FOXP1: variants seen among roughly 807,000 people sequenced by gnomAD.
FOXP1 encodes the protein forkhead box protein P1.
FOXP1 carries 15 observed loss-of-function variants against 98.2 expected under a neutral mutation model. That is an observed-to-expected ratio of 0.15 (90% CI 0.10 to 0.24). FOXP1 has a LOEUF of 0.24. Ranked by LOEUF, FOXP1 falls within the 10% of genes least tolerant of loss-of-function variation. The probability of loss-of-function intolerance (pLI) is 1.00; values close to 1 mark genes in which losing one functional copy is unlikely to be tolerated. For missense variants in FOXP1, 633 were observed against 848.5 expected (o/e 0.75, Z 3.15); for synonymous variants, 371 against 314.5 (o/e 1.18, Z -1.90).
chr3:71,200,881 AG>A (rs1470520755), intron 5 of FOXP1, among the ~76,000 whole-genome samples: 2 of 152,230 alleles, frequency 1.3e-5, no homozygotes, highest in Non-Finnish European at 1.5e-5. Context: ...AATTAAAAGC[AG>A]AAAAATTCAC....
At chr3:71,140,784 A>G (rs904704847) in intron 6 of FOXP1, among the ~76,000 whole-genome samples, 4 of 152,086 alleles carry the variant, frequency 2.6e-5, no homozygotes, top group African/African-American at 9.7e-5. Flanking sequence ...TCGAAAGAGG[A>G]CTTTGAGAAA....
At chr3:71,181,430 C>A (rs1253408680) in intron 6 of FOXP1, among the ~76,000 whole-genome samples, 2 of 152,196 alleles carry the variant, frequency 1.3e-5, no homozygotes, top group African/African-American at 2.4e-5. Context: ...ATCTCTATTG[C>A]CCTGTTTTAC....
chr3:71,577,194 G>T (rs2047788941), intron 2 of FOXP1, among the ~76,000 whole-genome samples: 1 of 152,098 alleles, frequency 6.6e-6, no homozygotes, highest in Non-Finnish European at 1.5e-5. Context: ...AAGAAACAAA[G>T]AACACTGTCT....
chr3:71,327,504 T>C (rs796938973), intron 4 of FOXP1, among the ~76,000 whole-genome samples: 32 of 149,114 alleles, frequency 2.1e-4, no homozygotes, highest in African/African-American at 7.7e-4. Context: ...TCTCCTGCCT[T>C]AGCCTCCCGA....
In FOXP1 at chr3:71,258,139, T is replaced by C. The variant is rs186663264; in HGVS notation, c.-12+41681A>G. On this transcript the variant is annotated intron_variant, in intron 5 of 20. Coordinates refer to ENST00000649528, the MANE Select transcript of FOXP1 (RefSeq NM_001349338.3). ...GGCAAGAATTTGTGGCTTTCGAATC[T>C]GAAAAGAACCCACTAAAATACAGAG... Among the ~76,000 whole-genome samples, 414 of 152,270 alleles carry C rather than the reference T, an allele frequency of 2.7e-3. 3 individuals are homozygous for C. The highest frequency in any genetic ancestry group is 9.6e-3 in the African/African-American group (397 of 41,544).
chr3:71,004,925 A>G (rs1030518914), intron 12 of FOXP1, among the ~76,000 whole-genome samples: 4 of 152,098 alleles, frequency 2.6e-5, no homozygotes, highest in African/African-American at 9.7e-5. Flanking sequence ...TGAAATATTC[A>G]AATGGCCTCT....
In FOXP1 at chr3:70,966,120, T is replaced by C; in HGVS notation, c.1723-64A>G. ...TATGTAAGACAAGGAAACTACTAAT[T>C]ATGGGTGTACTCGATAATCTTCAGT... On this transcript the variant is annotated intron_variant, in intron 19 of 20. Transcript: ENST00000649528. 3.0e-6 allele frequency: 4 copies of C among 1,320,158 alleles called. No individual in the cohort carries two copies. In the South Asian group the frequency reaches 3.5e-5, roughly 12 times the overall value. 81.8% of individuals were successfully genotyped at this position (1,320,158 alleles called of 1,614,324 possible).
rs1158223230 is a variant in FOXP1 at position 70,958,497 on chromosome 3, G to A, written c.*750C>T. 7 of 382,746 alleles carry A rather than the reference G, an allele frequency of 1.8e-5. No homozygotes were observed. The highest frequency in any genetic ancestry group is 3.5e-5 in the Non-Finnish European group (7 of 199,038). The allele number at this position is 382,746 out of a possible 1,614,324, so 23.7% of individuals were successfully genotyped here. ...ATGAGTGACAGAAAGCTACAAACGAGAAATGACATTCAGCTTTGTATAATA... is the reference window on the plus strand; with the variant it reads ...ATGAGTGACAGAAAGCTACAAACGAAAAATGACATTCAGCTTTGTATAATA... On this transcript the variant is annotated 3_prime_UTR_variant, in exon 21 of 21. Transcript: ENST00000649528.
chr3:71,259,844 G>A (rs2068946473), intron 5 of FOXP1, among the ~76,000 whole-genome samples: 1 of 152,226 alleles, frequency 6.6e-6, no homozygotes, highest in Admixed American at 6.5e-5. Context: ...AGACAAGTGA[G>A]CCCAGATTAA....
chr3:70,976,981 C>A lies in FOXP1; in HGVS notation c.1490G>T (p.Arg497Leu), dbSNP rs751543308. ...TLNEIYNWFT[R>L]MFAYFRRNAA... ...GTTGCGTCGGAAGTAAGCAAACATT[C>A]GTGTGAACCAGTTATAGATCTCATT... Residue 497 changes from arginine (R) to leucine (L), a missense_variant, in exon 17 of 21, where the codon CGA becomes CTA. Physicochemically the swap from Arg to Leu is moderately radical, Grantham distance 102. Coordinates refer to ENST00000649528, the MANE Select transcript of FOXP1 (RefSeq NM_001349338.3). The A allele has an allele frequency of 1.9e-6, 3 of 1,614,160 alleles. No homozygotes were observed. The highest frequency in any genetic ancestry group is 2.5e-6 in the Non-Finnish European group (3 of 1,180,008).
chr3:71,380,751 C>T (rs1445895095), intron 3 of FOXP1, among the ~76,000 whole-genome samples: 3 of 115,024 alleles, frequency 2.6e-5, no homozygotes, highest in South Asian at 5.4e-4. Context: ...GTGTTTGCCT[C>T]TCATTACTCT....
At chr3:71,522,876 C>T (rs2043098738) in intron 2 of FOXP1, among the ~76,000 whole-genome samples, 1 of 152,176 alleles carries the variant, frequency 6.6e-6, no homozygotes, top group Admixed American at 6.5e-5. Flanking sequence ...CAAATTCCCA[C>T]AGATTTTGCA....
At chr3:71,462,985 G>A (rs1476862700) in intron 3 of FOXP1, among the ~76,000 whole-genome samples, 1 of 152,126 alleles carries the variant, frequency 6.6e-6, no homozygotes, top group Non-Finnish European at 1.5e-5. Flanking sequence ...CACATGGAAG[G>A]TGCCTGCCTG....
At chr3:71,477,127 T>G (rs1460523649) in intron 3 of FOXP1, among the ~76,000 whole-genome samples, 1 of 152,108 alleles carries the variant, frequency 6.6e-6, no homozygotes, top group Non-Finnish European at 1.5e-5. Flanking sequence ...CCATCTTTCT[T>G]TCTGTAGCAA....
intron 19 of FOXP1, among the ~76,000 whole-genome samples, chr3:70,967,710 G>GTTTTTTTTTTTTTTTTT (rs756777959): frequency 1.5e-5 from 1 of 68,872 alleles, no homozygotes. Context: ...GTTTTTTTTT[G>GTTTTTTTTTTTTTTTTT]TTTTTTTTTT....
chr3:71,453,874 TC>T (rs1203186601), intron 3 of FOXP1, among the ~76,000 whole-genome samples: 1 of 152,184 alleles, frequency 6.6e-6, no homozygotes, highest in Non-Finnish European at 1.5e-5. Flanking sequence ...ACTCTCCTCA[TC>T]CCTTTTTATG....
At chr3:71,336,884 A>C (rs902046630) in intron 4 of FOXP1, among the ~76,000 whole-genome samples, 29 of 152,350 alleles carry the variant, frequency 1.9e-4, no homozygotes, top group African/African-American at 6.5e-4. Flanking sequence ...GAGAAGGCAG[A>C]GGGACATGTT....
intron 2 of FOXP1, among the ~76,000 whole-genome samples, chr3:71,560,778 C>T (rs189938308): frequency 1.3e-5 from 2 of 152,144 alleles, no homozygotes; most frequent in Admixed American, 1.3e-4. Flanking sequence ...TTGAAAATAT[C>T]CTGACTGAAA....
chr3:71,360,737 C>G (rs1182392483), intron 3 of FOXP1: 2 of 152,114 alleles, frequency 1.3e-5, no homozygotes, highest in African/African-American at 4.8e-5. Context: ...ACATGTACGT[C>G]TGTGTGCAGT....
Sources: allele counts gnomAD v4.1 joint callset (sites outside exome capture counted in the v4.1 genomes callset), GRCh38; gene constraint gnomAD v4.1.1; transcripts MANE v1.5; gene names NCBI Gene and HGNC (gene_info 2026-07-23, HGNC 2026-07-21).